CACNA1E: variants seen among roughly 807,000 people sequenced by gnomAD.
The protein encoded by CACNA1E is voltage-dependent R-type calcium channel subunit alpha-1E.
Under a neutral mutation model 259.2 loss-of-function variants are expected in CACNA1E, and 40 were observed. The ratio of observed to expected loss-of-function variants is 0.15; its 90% CI spans 0.12 to 0.20. The LOEUF (loss-of-function observed/expected upper bound fraction) is 0.20, where lower values mean the gene tolerates loss of function less well. Ranked by LOEUF, CACNA1E falls within the 10% of genes least tolerant of loss-of-function variation. The pLI, the probability that CACNA1E is intolerant of heterozygous loss-of-function variation, is 1.00. For missense variants in CACNA1E, 1,874 were observed against 3,040.1 expected (o/e 0.62, Z 9.02); for synonymous variants, 1,104 against 1,138.5 (o/e 0.97, Z 0.61).
At chr1:181,741,962 T>G (rs532729676) in intron 25 of CACNA1E, among the ~76,000 whole-genome samples, 34 of 152,194 alleles carry the variant, frequency 2.2e-4, no homozygotes, top group Admixed American at 3.9e-4. Context: ...CTCTTCATTT[T>G]CTCTGAAACA....
chr1:181,669,425 G>A (rs116805707), intron 7 of CACNA1E, among the ~76,000 whole-genome samples: 1 of 152,072 alleles, frequency 6.6e-6, no homozygotes, highest in African/African-American at 2.4e-5. Flanking sequence ...AACCCCCACA[G>A]CCACTTCCAC....
chr1:181,744,840 G>A (rs958349034), intron 25 of CACNA1E, among the ~76,000 whole-genome samples: 7 of 152,238 alleles, frequency 4.6e-5, no homozygotes, highest in South Asian at 2.1e-4. Flanking sequence ...GGAAGAGAAC[G>A]AAGGATTAAA....
chr1:181,808,066 T>C lies in CACNA1E; in HGVS notation c.*9232T>C, dbSNP rs992112945. 6.6e-5 allele frequency: 10 copies of C among 152,174 alleles called. No individual in the cohort carries two copies. The highest frequency in any genetic ancestry group is 2.4e-4 in the African/African-American group (10 of 41,438). The allele number at this position is 152,174 out of a possible 1,614,324, so 9.4% of individuals were successfully genotyped here. On this transcript the variant is annotated 3_prime_UTR_variant, in exon 48 of 48. Coordinates refer to ENST00000367573, the MANE Select transcript of CACNA1E (RefSeq NM_001205293.3). ...GGCTAATGGCACTATGAAACAGATA[T>C]AAAGAAAAATAGACACTGTTCTGAG...
chr1:181,524,358 G>C (rs1333078592), intron 3 of CACNA1E, among the ~76,000 whole-genome samples: 1 of 152,238 alleles, frequency 6.6e-6, no homozygotes, highest in Non-Finnish European at 1.5e-5. Context: ...TCCTAAGGCA[G>C]CTGGGAACAA....
At chr1:181,418,618 A>G (rs749526683) in intron 2 of CACNA1E, among the ~76,000 whole-genome samples, 4 of 152,124 alleles carry the variant, frequency 2.6e-5, no homozygotes, top group African/African-American at 4.8e-5. Flanking sequence ...TAACATCAAA[A>G]TATTGATTTC....
Position 181,806,218 on chromosome 1 carries a change from A to G in CACNA1E, c.*7384A>G, listed in dbSNP as rs888218992. On this transcript the variant is annotated 3_prime_UTR_variant, in exon 48 of 48. Coordinates refer to ENST00000367573, the MANE Select transcript of CACNA1E (RefSeq NM_001205293.3). ...TTAACTTCCTAGTGGTGAGAATACC[A>G]TGGGATGGGAGAAGGGCCAGTGAGT... 5 of 152,322 alleles carry G rather than the reference A, an allele frequency of 3.3e-5. No homozygotes were observed. Among genetic ancestry groups the G allele is most frequent in the African/African-American group, 1.2e-4 (5 of 41,466 alleles). The allele number at this position is 152,322 out of a possible 1,614,324, so 9.4% of individuals were successfully genotyped here. A position where few individuals can be genotyped will look rare whatever the true frequency, so the allele number is the denominator to read the frequency against.
rs574221289 is a variant in CACNA1E at position 181,664,715 on chromosome 1, G to T, written c.1055+13274G>T. Among the ~76,000 whole-genome samples the T allele has an allele frequency of 2.0e-5, 3 of 152,212 alleles. No individual in the cohort carries two copies. The East Asian group carries it at 5.8e-4, about 29-fold the overall frequency. Reference sequence around the variant, plus strand: ...CAGGATAGGTGGTTCTGGGGGCTCAGCCAAGGTGAGAGCATCCTTGGCTGC... The same window carrying T: ...CAGGATAGGTGGTTCTGGGGGCTCATCCAAGGTGAGAGCATCCTTGGCTGC... On this transcript the variant is annotated intron_variant, in intron 7 of 47. Transcript: ENST00000367573.
rs780741005 is a variant in CACNA1E, at chr1:181,798,762, G to T, written c.6870G>T (p.Gly2290=). 7 of 1,597,814 alleles carry T rather than the reference G, an allele frequency of 4.4e-6. 1 individual carries two copies. The Admixed American group carries it at 6.7e-5, about 15-fold the overall frequency. The change falls in exon 48 of 48, where the codon GGG becomes GGT. Residue 2290 remains glycine, a synonymous_variant. Coordinates refer to ENST00000367573, the MANE Select transcript of CACNA1E (RefSeq NM_001205293.3). This position sits in a 1 kb window ranked among gnomAD's most constrained non-coding sequence, Gnocchi z 4.2. ...NGHYRRRRRG[G]PGPGMMCGAV... ...ACTATCGGCGGCGGAGGCGCGGGGG[G>T]CCTGGGCCAGGCATGATGTGTGGGG... is the stretch of plus-strand genomic sequence containing the variant.
chr1:181,605,080 T>A (rs1463485077), intron 6 of CACNA1E, among the ~76,000 whole-genome samples: 1 of 151,806 alleles, frequency 6.6e-6, no homozygotes, highest in Non-Finnish European at 1.5e-5. Context: ...AGAGATTGAG[T>A]GAGGGAGGAG....
chr1:181,441,524 T>C (rs1384887571), intron 2 of CACNA1E, among the ~76,000 whole-genome samples: 1 of 152,210 alleles, frequency 6.6e-6, no homozygotes, highest in Non-Finnish European at 1.5e-5. Flanking sequence ...AAGAACACAA[T>C]GATTGGTCAT....
chr1:181,791,422 G>C (rs542935276), intron 44 of CACNA1E, among the ~76,000 whole-genome samples: 7 of 152,208 alleles, frequency 4.6e-5, no homozygotes, highest in Non-Finnish European at 1.0e-4. Flanking sequence ...GCAATGAGCC[G>C]AGATGGCGCT....
chr1:181,586,410 A>G (rs1260679530), intron 6 of CACNA1E, among the ~76,000 whole-genome samples: 1 of 152,168 alleles, frequency 6.6e-6, no homozygotes, highest in African/African-American at 2.4e-5. Context: ...CAAAACCACC[A>G]AGGAAGTGAA....
intron 7 of CACNA1E, among the ~76,000 whole-genome samples, chr1:181,680,288 T>C (rs1380312161): frequency 1.3e-5 from 2 of 152,044 alleles, no homozygotes; most frequent in Non-Finnish European, 2.9e-5. Context: ...GCTGTTAGTG[T>C]GGTTCCTATG....
In CACNA1E at chr1:181,711,077, TG is replaced by T. The variant is rs1302482602; in HGVS notation, c.1171+14del. The T allele has an allele frequency of 1.3e-6, 2 of 1,595,020 alleles. No individual in the cohort carries two copies. The highest frequency in any genetic ancestry group is 1.7e-6 in the Non-Finnish European group (2 of 1,162,826). ...CCTGGATAGACAAAGCAGGTAGGCC[TG>T]GGGGGCTGCAGGAGGCTGGTGAGTG... On this transcript the variant is annotated intron_variant, in intron 8 of 47. Coordinates refer to ENST00000367573, the MANE Select transcript of CACNA1E (RefSeq NM_001205293.3).
At chr1:181,603,271 C>T (rs1653909477) in intron 6 of CACNA1E, among the ~76,000 whole-genome samples, 1 of 152,114 alleles carries the variant, frequency 6.6e-6, no homozygotes, top group Admixed American at 6.5e-5. Context: ...TCCCAATAGC[C>T]CTTTGAGGTA....
chr1:181,674,428 CAG>C (rs1649163009), intron 7 of CACNA1E, among the ~76,000 whole-genome samples: 1 of 142,962 alleles, frequency 7.0e-6, no homozygotes, highest in Non-Finnish European at 1.5e-5. Context: ...AAAGAATAAG[CAG>C]AGTCTCAATT....
rs577203256 is a variant in CACNA1E at position 181,732,040 on chromosome 1, G to A, written c.2298-344G>A. Among the ~76,000 whole-genome samples the A allele has an allele frequency of 2.0e-5, 3 of 152,012 alleles. No homozygotes were observed. The South Asian group carries it at 6.2e-4, about 32-fold the overall frequency. On this transcript the variant is annotated intron_variant, in intron 19 of 47. Coordinates refer to ENST00000367573, the MANE Select transcript of CACNA1E (RefSeq NM_001205293.3). This position sits in a 1 kb window ranked among gnomAD's most constrained non-coding sequence, Gnocchi z 5.5. ...GTGTGTACAAGCAGATGCCCCGAAA[G>A]CAAGGAGAGCAGGGGAGTGAAGACG...
chr1:181,739,441 A>G (rs1656355098), intron 25 of CACNA1E, among the ~76,000 whole-genome samples, 188 bp downstream of exon 25: 1 of 152,108 alleles, frequency 6.6e-6, no homozygotes, highest in African/African-American at 2.4e-5. Context: ...ACGTGACCTG[A>G]GTGGCAGAAC....
At position 181,793,692 on chromosome 1, in the gene CACNA1E, G is replaced by GCA. The variant is rs1661528448; in HGVS notation, c.5926_5927insCA (p.Val1976AlafsTer30). ...GCCAGAGGTTAGTGAATTAAAAAGC[G>GCA]TGCAGCCCTCTAACCATGGCATCTA... is the stretch of plus-strand genomic sequence containing the variant. On this transcript the variant is annotated frameshift_variant, in exon 45 of 48. Transcript: ENST00000367573. LOFTEE classifies it high-confidence loss of function. The GCA allele has an allele frequency of 6.2e-7, 1 of 1,610,454 alleles. No individual in the cohort carries two copies. Among genetic ancestry groups the GCA allele is most frequent in the Non-Finnish European group, 8.5e-7 (1 of 1,178,960 alleles).
Sources: allele counts gnomAD v4.1 joint callset (sites outside exome capture counted in the v4.1 genomes callset), GRCh38; gene constraint gnomAD v4.1.1; non-coding constraint Gnocchi (gnomAD v3.1); transcripts MANE v1.5; gene names NCBI Gene and HGNC (gene_info 2026-07-23, HGNC 2026-07-21).